Variants in SIGLECL1 observed in about 807,000 individuals in gnomAD.
SIGLECL1 encodes the protein SIGLEC family-like protein 1.
SIGLECL1 carries 16 observed loss-of-function variants against 19.1 expected under a neutral mutation model. The ratio of observed to expected loss-of-function variants is 0.84; its 90% confidence interval spans 0.57 to 1.27. The LOEUF is 1.27. SIGLECL1 is among the 50% of genes most tolerant of loss of function. The pLI, the probability that SIGLECL1 is intolerant of heterozygous loss-of-function variation, is 0.00. For missense variants in SIGLECL1, 210 were observed against 239.4 expected (o/e 0.88, Z 0.81); for synonymous variants, 89 against 90.4 (o/e 0.98, Z 0.09).
chr19:51,265,949 A>G, intron 4 of SIGLECL1, 67 bp downstream of exon 4: 5 of 1,523,962 alleles, frequency 3.3e-6, no homozygotes, highest in Non-Finnish European at 4.5e-6. Flanking sequence ...CAGCCCTGGC[A>G]CAGAGAGAGC....
rs187792788 is a variant in SIGLECL1 at position 51,263,890 on chromosome 19, G to T, written c.-183G>T. Reference sequence around the variant, plus strand: ...TAATTCCTGCTTCTCCAGGTGAACAGGCCTTCACGATGACCAGAGACAGAA... The same window carrying T: ...TAATTCCTGCTTCTCCAGGTGAACATGCCTTCACGATGACCAGAGACAGAA... On this transcript the variant is annotated 5_prime_UTR_variant, in exon 2 of 6. The change creates a new upstream start codon in the 5' untranslated region. Coordinates refer to ENST00000601727, the MANE Select transcript of SIGLECL1 (RefSeq NM_001385465.1). The T allele has an allele frequency of 1.7e-4, 108 of 620,422 alleles. 1 individual carries two copies. Among genetic ancestry groups the T allele is most frequent in the South Asian group, 7.7e-4 (36 of 46,532 alleles). 38.4% of individuals were successfully genotyped at this position (620,422 alleles called of 1,614,324 possible).
intron 1 of SIGLECL1, among the ~76,000 whole-genome samples, chr19:51,260,452 G>A (rs1983131046): frequency 1.3e-5 from 2 of 152,124 alleles, no homozygotes; most frequent in South Asian, 4.1e-4. Context: ...TTGTTGCTGT[G>A]TAGTATCTCA....
intron 1 of SIGLECL1, among the ~76,000 whole-genome samples, chr19:51,261,825 TTC>T (rs1983253191): frequency 6.6e-6 from 1 of 152,350 alleles, no homozygotes; most frequent in South Asian, 2.1e-4. Context: ...TTCTGTTTGT[TTC>T]TCTGTCTTTA....
In SIGLECL1 at chr19:51,267,539, T is replaced by C; in HGVS notation, c.567+10T>C. The C allele has an allele frequency of 1.2e-6, 2 of 1,613,560 alleles. No individual in the cohort carries two copies. Among genetic ancestry groups the C allele is most frequent in the Non-Finnish European group, 1.7e-6 (2 of 1,179,768 alleles). On this transcript the variant is annotated intron_variant, in intron 5 of 5. Coordinates refer to ENST00000601727, the MANE Select transcript of SIGLECL1 (RefSeq NM_001385465.1). ...TGAGAGCCGGATATTGGTATGTACC[T>C]ATTGTGTCTGGAATCTAGTCTATCG...
intron 1 of SIGLECL1, among the ~76,000 whole-genome samples, chr19:51,252,863 G>A (rs1982577075): frequency 6.6e-6 from 1 of 152,074 alleles, no homozygotes; most frequent in African/African-American, 2.4e-5. Context: ...GTTGGTTCAC[G>A]GCTGCAATCC....
chr19:51,261,194 A>G (rs1983187527), intron 1 of SIGLECL1, among the ~76,000 whole-genome samples: 1 of 152,210 alleles, frequency 6.6e-6, no homozygotes, highest in Non-Finnish European at 1.5e-5. Context: ...CCTTTTGCTT[A>G]AAGTCTGCTT....
chr19:51,268,706 G>T lies in SIGLECL1; in HGVS notation c.*109G>T. On this transcript the variant is annotated 3_prime_UTR_variant, in exon 6 of 6. Transcript: ENST00000601727. ...CCCTGGAGGCTGTAATAAACCTGGA[G>T]CCCCCTGGACTCTCCTCAGCTCACA... 1.8e-6 allele frequency: 2 copies of T among 1,101,638 alleles called. No homozygotes were observed. Among genetic ancestry groups the T allele is most frequent in the Non-Finnish European group, 2.6e-6 (2 of 755,842 alleles). The allele number at this position is 1,101,638 out of a possible 1,614,324, so 68.2% of individuals were successfully genotyped here. A position where few individuals can be genotyped will look rare whatever the true frequency, so the allele number is the denominator to read the frequency against.
rs16982575 is a variant in SIGLECL1, at chr19:51,251,558, C to T, written c.-191+13C>T. ...ATCTACCAAGAAGGTAAGCAAGCGG[C>T]CCGTGGGTTCACAATCAGGTCAGTG... On this transcript the variant is annotated intron_variant, in intron 1 of 5. Coordinates refer to ENST00000601727, the MANE Select transcript of SIGLECL1 (RefSeq NM_001385465.1). 0.073 allele frequency: 11,218 copies of T among 152,836 alleles called. 1,352 individuals are homozygous for T. The highest frequency in any genetic ancestry group is 0.26 in the African/African-American group (10,661 of 41,502). The allele number at this position is 152,836 out of a possible 1,614,324, so 9.5% of individuals were successfully genotyped here.
At chr19:51,254,106 C>T (rs1490717178) in intron 1 of SIGLECL1, among the ~76,000 whole-genome samples, 1 of 152,054 alleles carries the variant, frequency 6.6e-6, no homozygotes, top group Non-Finnish European at 1.5e-5. Flanking sequence ...ATTGCTTAAG[C>T]CCAGGAGTTC....
At chr19:51,263,568 G>A (rs1240185735) in intron 1 of SIGLECL1, among the ~76,000 whole-genome samples, 1 of 152,122 alleles carries the variant, frequency 6.6e-6, no homozygotes, top group Non-Finnish European at 1.5e-5. Flanking sequence ...GACCAGCCTG[G>A]CCAACATGGT....
In SIGLECL1 at chr19:51,268,714, G is replaced by A. The variant is rs898785248; in HGVS notation, c.*117G>A. 1.0e-6 allele frequency: 1 copy of A among 956,294 alleles called. No homozygotes were observed. The highest frequency in any genetic ancestry group is 1.6e-5 in the African/African-American group (1 of 60,702). 59.2% of individuals were successfully genotyped at this position (956,294 alleles called of 1,614,324 possible). On this transcript the variant is annotated 3_prime_UTR_variant, in exon 6 of 6. Coordinates refer to ENST00000601727, the MANE Select transcript of SIGLECL1 (RefSeq NM_001385465.1). ...GCTGTAATAAACCTGGAGCCCCCTG[G>A]ACTCTCCTCAGCTCACAAAACCCTC... is the stretch of plus-strand genomic sequence containing the variant.
intron 2 of SIGLECL1, among the ~76,000 whole-genome samples, chr19:51,264,867 G>C (rs184784576): frequency 1.3e-3 from 198 of 152,326 alleles, no homozygotes; most frequent in South Asian, 6.2e-4. Context: ...TACGCACTGA[G>C]CTGGGTGCAC....
chr19:51,246,468 G>T (rs543148014), upstream of SIGLECL1: 3 of 152,254 alleles, frequency 2.0e-5, no homozygotes, highest in South Asian at 6.2e-4. Context: ...GGCATTTGGG[G>T]CTGGATAATT....
chr19:51,265,390 C>T lies in SIGLECL1; in HGVS notation c.45C>T (p.Ser15=). The stretch of plus-strand genomic sequence containing the variant: ...CAGTACCTGCTAAGCTGCTCAACTC[C>T]TCTTGCTCCTTGGAGAAGACACTGC... ...LQLVPAKLLN[S]SCSLEKTLQC... is the part of the protein sequence containing the mutation. The change falls in exon 3 of 6, where the codon TCC becomes TCT. Residue 15 remains serine (S), a synonymous_variant. Transcript: ENST00000601727. The T allele has an allele frequency of 6.2e-7, 1 of 1,613,224 alleles. No homozygotes were observed. Among genetic ancestry groups the T allele is most frequent in the Non-Finnish European group, 8.5e-7 (1 of 1,179,390 alleles).
intron 4 of SIGLECL1, among the ~76,000 whole-genome samples, chr19:51,267,000 C>T (rs558719265): frequency 2.0e-4 from 30 of 152,170 alleles, no homozygotes; most frequent in African/African-American, 6.5e-4. Context: ...TGATGAGGGG[C>T]AGCCAGAGAG....
upstream of SIGLECL1, among the ~76,000 whole-genome samples, chr19:51,248,395 G>A (rs989504): frequency 2.6e-4 from 39 of 151,944 alleles, no homozygotes; most frequent in Middle Eastern, 3.4e-3. Flanking sequence ...CTTTTTTTCC[G>A]TTCCAAGACC....
intron 1 of SIGLECL1, among the ~76,000 whole-genome samples, chr19:51,255,565 C>T (rs761094685): frequency 3.3e-5 from 5 of 152,178 alleles, no homozygotes; most frequent in Middle Eastern, 6.8e-3. Context: ...ATCCAAAATA[C>T]ATAAGGAACT....
upstream of SIGLECL1, among the ~76,000 whole-genome samples, chr19:51,248,261 C>T (rs1188089205): frequency 6.6e-6 from 1 of 152,166 alleles, no homozygotes; most frequent in African/African-American, 2.4e-5. Context: ...GGTGGGGTTA[C>T]CAGCCTTCCT....
In SIGLECL1 at chr19:51,265,641, T is replaced by A; in HGVS notation, c.296T>A (p.Leu99Gln). The A allele has an allele frequency of 6.2e-7, 1 of 1,612,880 alleles. No homozygotes were observed. The highest frequency in any genetic ancestry group is 1.3e-5 in the African/African-American group (1 of 74,974). ...QNGTHALSIL[L>Q]MSRKSSLAAQ... is the part of the protein sequence containing the mutation. ...GGAACCCATGCTTTGAGCATCCTAC[T>A]GATGTCAAGTGAGGGTGGAGGGGGC... is the stretch of plus-strand genomic sequence containing the variant. The change falls in exon 3 of 6, where the codon CTG becomes CAG. Residue 99 changes from leucine to glutamine, a missense_variant. Transcript: ENST00000601727.
Sources: gnomAD v4.1 joint callset for allele counts (sites outside exome capture counted in the v4.1 genomes callset) on GRCh38, gnomAD v4.1.1 for gene constraint, MANE v1.5 for transcripts, NCBI Gene and HGNC (gene_info 2026-07-23, HGNC 2026-07-21) for gene names.